CNTN6: variants seen among roughly 807,000 people sequenced by gnomAD.
CNTN6 encodes the protein contactin-6.
Under a neutral mutation model 122.8 loss-of-function variants are expected in CNTN6, and 137 were observed. The ratio of observed to expected loss-of-function variants is 1.12; its 90% CI spans 0.97 to 1.29. The LOEUF is 1.29. Ranked by LOEUF, CNTN6 falls within the 50% of genes most tolerant of loss-of-function variation. The probability of loss-of-function intolerance (pLI) is 0.00; values close to 1 mark genes in which losing one functional copy is unlikely to be tolerated. For missense variants in CNTN6, 1,634 were observed against 1,223.4 expected (o/e 1.34, Z -5.01); for synonymous variants, 570 against 426.0 (o/e 1.34, Z -4.16).
chr3:1,151,056 C>G (rs1286331171), intron 2 of CNTN6, among the ~76,000 whole-genome samples: 1 of 152,086 alleles, frequency 6.6e-6, no homozygotes, highest in Non-Finnish European at 1.5e-5. Flanking sequence ...CTGCCTGCAC[C>G]TTTTTTCAGC....
chr3:1,383,158 G>A lies in CNTN6; in HGVS notation c.2383G>A (p.Val795Ile). 6.2e-7 allele frequency: 1 copy of A among 1,613,160 alleles called. No individual in the cohort carries two copies. The highest frequency in any genetic ancestry group is 2.2e-5 in the East Asian group (1 of 44,862). Residue 795 changes from valine (V) to isoleucine (I), a missense_variant, in exon 18 of 23, where the codon GTC becomes ATC. Val to Ile is a conservative substitution (Grantham distance 29, BLOSUM62 3). Transcript: ENST00000446702. ...AGGATCCCTGAGTACTGTGACCATT[G>A]TCTACTCTGGGGAAGATGGTAAGTT... ...GEGSLSTVTI[V>I]YSGEDEPQLA...
At chr3:1,143,804 G>T (rs2092666409) in intron 1 of CNTN6, among the ~76,000 whole-genome samples, 1 of 152,190 alleles carries the variant, frequency 6.6e-6, no homozygotes, top group Non-Finnish European at 1.5e-5. Flanking sequence ...GCAATCAGAT[G>T]ATAAAGGGCA....
chr3:1,369,799 A>AAAAT (rs1376048689), intron 12 of CNTN6, among the ~76,000 whole-genome samples: 2 of 151,992 alleles, frequency 1.3e-5, no homozygotes, highest in Non-Finnish European at 2.9e-5. Flanking sequence ...CTACAAAAGG[A>AAAAT]AAATATTTTC....
intron 8 of CNTN6, among the ~76,000 whole-genome samples, chr3:1,322,083 T>G (rs5012022): frequency 0.12 from 17,608 of 151,704 alleles, 1,247 homozygotes; most frequent in African/African-American, 0.19. Flanking sequence ...AGCAGTGTCA[T>G]GTTAAAGCCA....
chr3:1,202,506 C>A lies in CNTN6; in HGVS notation c.56-18181C>A, dbSNP rs559038134. Among the ~76,000 whole-genome samples the A allele has an allele frequency of 2.0e-3, 298 of 149,800 alleles. 1 individual carries two copies. The highest frequency in any genetic ancestry group is 3.2e-3 in the Non-Finnish European group (218 of 67,918). On this transcript the variant is annotated intron_variant, in intron 2 of 22. Transcript: ENST00000446702. ...CAGTGAGCCAAGATGGCGCCACCGC[C>A]CTCCAGCCTGGGCGACAGAGCCAGA...
Position 1,173,511 on chromosome 3 carries a change from T to C in CNTN6, c.55+25448T>C, listed in dbSNP as rs147401883. On this transcript the variant is annotated intron_variant, in intron 2 of 22. Coordinates refer to ENST00000446702, the MANE Select transcript of CNTN6 (RefSeq NM_001289080.2). Reference sequence around the variant, plus strand: ...ATAAGTTAACAGCTGCCAAATTTCATACAACTAGTACATGACGAAGTTGGG... The same window carrying C: ...ATAAGTTAACAGCTGCCAAATTTCACACAACTAGTACATGACGAAGTTGGG... Among the ~76,000 whole-genome samples, 834 of 152,328 alleles carry C rather than the reference T, an allele frequency of 5.5e-3. 5 individuals carry two copies. The highest frequency in any genetic ancestry group is 9.0e-3 in the Non-Finnish European group (613 of 68,026).
intron 1 of CNTN6, among the ~76,000 whole-genome samples, chr3:1,107,215 A>G (rs2091267974): frequency 6.6e-6 from 1 of 152,168 alleles, no homozygotes; most frequent in Non-Finnish European, 1.5e-5. Context: ...TACTAGTAAG[A>G]GAAATTCAGT....
At chr3:1,118,827 TTAA>T (rs762088243) in intron 1 of CNTN6, among the ~76,000 whole-genome samples, 5 of 152,064 alleles carry the variant, frequency 3.3e-5, no homozygotes, top group African/African-American at 4.8e-5. Flanking sequence ...GACCTTGGTG[TTAA>T]TAAGATGGCT....
At chr3:1,207,378 TG>T (rs2093972330) in intron 2 of CNTN6, among the ~76,000 whole-genome samples, 2 of 152,170 alleles carry the variant, frequency 1.3e-5, no homozygotes, top group Non-Finnish European at 2.9e-5. Context: ...ACAAATACTT[TG>T]GTCCCAGCCA....
chr3:1,214,328 G>C (rs1042037132), intron 2 of CNTN6, among the ~76,000 whole-genome samples: 1 of 33,518 alleles, frequency 3.0e-5, no homozygotes, highest in African/African-American at 1.4e-4. Flanking sequence ...TTTTTTTTGA[G>C]ACGGAGTTTT....
chr3:1,334,212 AC>A (rs1702723494), intron 11 of CNTN6, among the ~76,000 whole-genome samples: 2 of 152,096 alleles, frequency 1.3e-5, no homozygotes, highest in African/African-American at 2.4e-5. Flanking sequence ...TTCTTTTTAG[AC>A]CCACCAGTGG....
At chr3:1,330,567 G>C (rs539339972) in intron 11 of CNTN6, among the ~76,000 whole-genome samples, 84 of 151,996 alleles carry the variant, frequency 5.5e-4, no homozygotes, top group African/African-American at 2.0e-3. Context: ...TATACATGAG[G>C]TGACTAGACC....
At chr3:1,175,443 A>C (rs956476603) in intron 2 of CNTN6, among the ~76,000 whole-genome samples, 3 of 148,228 alleles carry the variant, frequency 2.0e-5, no homozygotes, top group Middle Eastern at 3.2e-3. Flanking sequence ...GAGAAAACAC[A>C]GTCTACTCAA....
chr3:1,136,521 G>A (rs1322346239), intron 1 of CNTN6, among the ~76,000 whole-genome samples: 1 of 152,168 alleles, frequency 6.6e-6, no homozygotes, highest in Non-Finnish European at 1.5e-5. Context: ...GAAAGGAACT[G>A]TTTTGCCTTA....
intron 1 of CNTN6, among the ~76,000 whole-genome samples, chr3:1,134,973 C>G (rs2092435265): frequency 6.6e-6 from 1 of 151,986 alleles, no homozygotes; most frequent in Non-Finnish European, 1.5e-5. Context: ...CAAATTGTAT[C>G]TCCTTTGGAT....
intron 17 of CNTN6, 128 bp from the exon 18 acceptor site, chr3:1,382,814 A>G (rs972990408): frequency 1.4e-5 from 9 of 627,532 alleles, no homozygotes; most frequent in Non-Finnish European, 2.1e-5. Flanking sequence ...GTTTTTTAAT[A>G]CATCATTAAA....
chr3:1,363,764 T>C (rs1707810312), intron 12 of CNTN6, among the ~76,000 whole-genome samples: 1 of 151,988 alleles, frequency 6.6e-6, no homozygotes, highest in African/African-American at 2.4e-5. Context: ...TTATTTTCTT[T>C]GGATATATAT....
At chr3:1,182,231 C>G (rs2093565420) in intron 2 of CNTN6, among the ~76,000 whole-genome samples, 1 of 152,130 alleles carries the variant, frequency 6.6e-6, no homozygotes, top group Non-Finnish European at 1.5e-5. Flanking sequence ...ATAAAACTAG[C>G]TCAACATCCC....
At chr3:1,134,296 C>T (rs192049844) in intron 1 of CNTN6, among the ~76,000 whole-genome samples, 66 of 152,232 alleles carry the variant, frequency 4.3e-4, no homozygotes, top group Non-Finnish European at 7.8e-4. Context: ...AGTTGTTGCT[C>T]CATTTACTCA....
Sources: gnomAD v4.1 joint callset for allele counts (sites outside exome capture counted in the v4.1 genomes callset) on GRCh38, gnomAD v4.1.1 for gene constraint, MANE v1.5 for transcripts, NCBI Gene and HGNC (gene_info 2026-07-23, HGNC 2026-07-21) for gene names.